The following DTWD2 variants were observed in gnomAD, a reference collection of about 807,000 sequenced individuals.
DTWD2 encodes DTW motif tRNA-uridine aminocarboxypropyltransferase 2, also known as tRNA-uridine aminocarboxypropyltransferase 2.
A neutral mutation model predicts 31.8 loss-of-function variants in DTWD2; 39 were observed. That is an observed-to-expected ratio of 1.22 (90% CI 0.95 to 1.60). DTWD2 has a LOEUF of 1.60. DTWD2 is among the 40% of genes most tolerant of loss of function. DTWD2 has a pLI of 0.00. For missense variants in DTWD2, 515 were observed against 381.5 expected, an observed-to-expected ratio of 1.35 and a Z score of -2.92; for synonymous variants, 180 against 142.8, an observed-to-expected ratio of 1.26 and a Z score of -1.86.
chr5:118,911,690 A>T (rs1753461790), intron 4 of DTWD2, among the ~76,000 whole-genome samples: 1 of 152,210 alleles, frequency 6.6e-6, no homozygotes, highest in African/African-American at 2.4e-5. Context: ...CACACACACA[A>T]TGTAATATTA....
At position 118,988,519 on chromosome 5, in the gene DTWD2, A is replaced by G. The variant is rs1157476928; in HGVS notation, c.-8T>C. On this transcript the variant is annotated 5_prime_UTR_variant, in exon 1 of 6. Coordinates refer to ENST00000510708, the MANE Select transcript of DTWD2 (RefSeq NM_173666.4). Reference sequence around the variant, plus strand: ...CTCTTTCTGCGACTCCATGGCGGACACTCCGGTCAGGCCGTGGCATTGAAG... The same window carrying G: ...CTCTTTCTGCGACTCCATGGCGGACGCTCCGGTCAGGCCGTGGCATTGAAG... 2 of 1,542,832 alleles carry G rather than the reference A, an allele frequency of 1.3e-6. No individual in the cohort carries two copies. Among genetic ancestry groups the G allele is most frequent in the African/African-American group, 2.9e-5 (2 of 70,040 alleles).
In DTWD2 at chr5:118,869,481, T is replaced by C. The variant is rs1226458045; in HGVS notation, c.598-21263A>G. On this transcript the variant is annotated intron_variant, in intron 4 of 5. Transcript: ENST00000510708. ...AAGGAACCTAGACCACCCATACCCA[T>C]ACTAAAACCCTCCCCCATATCCTAA... Among the ~76,000 whole-genome samples, 6 of 152,270 alleles carry C rather than the reference T, an allele frequency of 3.9e-5. 1 individual carries two copies. The South Asian group carries it at 1.0e-3, about 26-fold the overall frequency.
At chr5:118,857,798 G>T (rs1280164654) in intron 4 of DTWD2, among the ~76,000 whole-genome samples, 1 of 152,194 alleles carries the variant, frequency 6.6e-6, no homozygotes, top group Non-Finnish European at 1.5e-5. Flanking sequence ...GATTCACACA[G>T]TATTGAGTGA....
intron 3 of DTWD2, among the ~76,000 whole-genome samples, chr5:118,932,986 G>C (rs1175290961): frequency 6.6e-6 from 1 of 151,306 alleles, no homozygotes; most frequent in Non-Finnish European, 1.5e-5. Flanking sequence ...AATAAAAAGG[G>C]TGATCATTAC....
chr5:118,846,447 A>T lies in DTWD2; in HGVS notation c.726+1643T>A, dbSNP rs1751855294. Among the ~76,000 whole-genome samples, 5 of 152,298 alleles carry T rather than the reference A, an allele frequency of 3.3e-5. No homozygotes were observed. The South Asian group carries it at 1.0e-3, about 32-fold the overall frequency. The stretch of plus-strand genomic sequence containing the variant: ...TAAGTCCACAGAGAATTCTTTCCAG[A>T]ACCCAAAAGGGGAGAAAAGTAAGCT... On this transcript the variant is annotated intron_variant, in intron 5 of 5. Coordinates refer to ENST00000510708, the MANE Select transcript of DTWD2 (RefSeq NM_173666.4).
intron 3 of DTWD2, among the ~76,000 whole-genome samples, chr5:118,931,695 T>G (rs1753927786): frequency 6.6e-6 from 1 of 151,710 alleles, no homozygotes; most frequent in Non-Finnish European, 1.5e-5. Context: ...GACAAAAAAA[T>G]CAGTAAGGAT....
intron 4 of DTWD2, among the ~76,000 whole-genome samples, chr5:118,869,066 T>C (rs1437655996): frequency 1.3e-5 from 2 of 152,130 alleles, no homozygotes; most frequent in Admixed American, 1.3e-4. Context: ...AGGAAAGTTA[T>C]TATTTAATGC....
In DTWD2 at chr5:118,841,558, A is replaced by G. The variant is rs77397166; in HGVS notation, c.727-471T>C. Reference sequence around the variant, plus strand: ...GGGTAAACGGTTTGCTATTTCTCTCACATTAGTGCCATGGACCACATACAA... The same window carrying G: ...GGGTAAACGGTTTGCTATTTCTCTCGCATTAGTGCCATGGACCACATACAA... On this transcript the variant is annotated intron_variant, in intron 5 of 5. Transcript: ENST00000510708. Among the ~76,000 whole-genome samples, 415 of 152,318 alleles carry G rather than the reference A, an allele frequency of 2.7e-3. 2 individuals are homozygous for G. The highest frequency in any genetic ancestry group is 3.4e-3 in the Non-Finnish European group (233 of 68,026).
intron 4 of DTWD2, among the ~76,000 whole-genome samples, chr5:118,861,281 T>C (rs1268585882): frequency 6.6e-6 from 1 of 152,226 alleles, no homozygotes; most frequent in Admixed American, 6.5e-5. Flanking sequence ...GAGATTGAAG[T>C]TTATGATTAG....
intron 1 of DTWD2, among the ~76,000 whole-genome samples, chr5:118,964,638 C>T (rs1012027185): frequency 2.6e-5 from 4 of 152,250 alleles, no homozygotes; most frequent in Admixed American, 6.5e-5. Flanking sequence ...GACGGGGTTT[C>T]GCTGTGTTGG....
At chr5:118,966,238 T>C (rs1245076982) in intron 1 of DTWD2, among the ~76,000 whole-genome samples, 1 of 152,196 alleles carries the variant, frequency 6.6e-6, no homozygotes, top group African/African-American at 2.4e-5. Context: ...TTCTGGCAAA[T>C]TTACAAAAGT....
In DTWD2 at chr5:118,837,366, A is replaced by G. The variant is rs2112659311; in HGVS notation, c.*3551T>C. 1 of 152,188 alleles carries G rather than the reference A, an allele frequency of 6.6e-6. No individual in the cohort carries two copies. The highest frequency in any genetic ancestry group is 1.9e-4 in the East Asian group (1 of 5,202). 9.4% of individuals were successfully genotyped at this position (152,188 alleles called of 1,614,324 possible). On this transcript the variant is annotated 3_prime_UTR_variant, in exon 6 of 6. Transcript: ENST00000510708. ...TTCATAAAAATATCCATCCATACCT[A>G]TTTTAAAGAAATACATCTACATAGT...
At chr5:118,967,997 C>T (rs969365575) in intron 1 of DTWD2, among the ~76,000 whole-genome samples, 2 of 152,068 alleles carry the variant, frequency 1.3e-5, no homozygotes, top group African/African-American at 2.4e-5. Context: ...ATGTTAATTT[C>T]GCCAAGAATA....
chr5:118,848,536 T>C (rs559035097), intron 4 of DTWD2, among the ~76,000 whole-genome samples: 4 of 152,262 alleles, frequency 2.6e-5, no homozygotes, highest in Admixed American at 2.0e-4. Context: ...GTGTTCAACA[T>C]GATCTAATGT....
At chr5:118,905,677 ACATTTCTATTTATG>A (rs1753311443) in intron 4 of DTWD2, among the ~76,000 whole-genome samples, 1 of 152,134 alleles carries the variant, frequency 6.6e-6, no homozygotes, top group Non-Finnish European at 1.5e-5. Flanking sequence ...TATTTTAATG[ACATTTCTATTTATG>A]AAGATAAAAA....
chr5:118,905,584 G>T (rs935298142), intron 4 of DTWD2, among the ~76,000 whole-genome samples: 1 of 152,050 alleles, frequency 6.6e-6, no homozygotes, highest in African/African-American at 2.4e-5. Context: ...ATCTTACTAT[G>T]TCCTGTGATT....
intron 4 of DTWD2, among the ~76,000 whole-genome samples, chr5:118,896,838 C>G (rs1359731762): frequency 6.6e-6 from 1 of 152,182 alleles, no homozygotes; most frequent in Non-Finnish European, 1.5e-5. Flanking sequence ...AGTCAATGGA[C>G]CCAGCTGAGT....
rs1001196095 is a variant in DTWD2 at position 118,923,716 on chromosome 5, C to T, written c.597+4821G>A. Among the ~76,000 whole-genome samples, 6 of 152,160 alleles carry T rather than the reference C, an allele frequency of 3.9e-5. No individual in the cohort carries two copies. The South Asian group carries it at 1.0e-3, about 26-fold the overall frequency. ...TCAACTCCTACTCTGAAACGTGCCTCGGTCTCTTTTCCTGCTTTATGTCCT... is the reference window on the plus strand; with the variant it reads ...TCAACTCCTACTCTGAAACGTGCCTTGGTCTCTTTTCCTGCTTTATGTCCT... On this transcript the variant is annotated intron_variant, in intron 4 of 5. Coordinates refer to ENST00000510708, the MANE Select transcript of DTWD2 (RefSeq NM_173666.4).
chr5:118,844,556 G>A (rs79968453), intron 5 of DTWD2, among the ~76,000 whole-genome samples: 5,952 of 152,234 alleles, frequency 0.039, 140 homozygotes, highest in African/African-American at 0.066. Flanking sequence ...TATTATCTCA[G>A]TTCTTGAAAT....
Sources: allele counts gnomAD v4.1 joint callset (sites outside exome capture counted in the v4.1 genomes callset), GRCh38; gene constraint gnomAD v4.1.1; transcripts MANE v1.5; gene names NCBI Gene and HGNC (gene_info 2026-07-23, HGNC 2026-07-21).